Variants in CDH22 observed in about 807,000 individuals in gnomAD.
CDH22 encodes cadherin-22.
In CDH22, 30 loss-of-function variants were observed where a neutral mutation model predicts 58.4. That is an observed-to-expected ratio of 0.51 (90% CI 0.38 to 0.70). The LOEUF is 0.70. Ranked by LOEUF, CDH22 falls within the 30% of genes least tolerant of loss-of-function variation. The pLI is 0.00. For synonymous variants in CDH22, 513 were observed against 558.2 expected, an observed-to-expected ratio of 0.92 and a Z score of 1.14; for missense variants, 1,014 against 1,233.9, an observed-to-expected ratio of 0.82 and a Z score of 2.67.
At chr20:46,227,047 G>A (rs536681627) in intron 4 of CDH22, among the ~76,000 whole-genome samples, 1 of 152,320 alleles carries the variant, frequency 6.6e-6, no homozygotes, top group South Asian at 2.1e-4. Context: ...CCTTAAAGAT[G>A]CTTGTGTTTT....
chr20:46,269,158 G>T (rs1168484975), intron 1 of CDH22, among the ~76,000 whole-genome samples: 1 of 152,182 alleles, frequency 6.6e-6, no homozygotes, highest in Admixed American at 6.5e-5. Flanking sequence ...GATCTTTCAT[G>T]GTTTGCCACC....
intron 1 of CDH22, among the ~76,000 whole-genome samples, chr20:46,265,176 T>C (rs1200733993): frequency 2.0e-5 from 3 of 152,132 alleles, no homozygotes; most frequent in Non-Finnish European, 4.4e-5. Context: ...TTGAATACCA[T>C]CCTGGCCGTG....
At chr20:46,276,177 T>A (rs900277680) in intron 1 of CDH22, among the ~76,000 whole-genome samples, 5 of 152,136 alleles carry the variant, frequency 3.3e-5, no homozygotes, top group African/African-American at 9.7e-5. Context: ...CACCCACCAA[T>A]CAGAGAAGAT....
rs148935750 is a variant in CDH22, at chr20:46,196,316, C to A, written c.1423+3107G>T. On this transcript the variant is annotated intron_variant, in intron 8 of 11. Coordinates refer to ENST00000537909, the MANE Select transcript of CDH22 (RefSeq NM_021248.3). ...TTTGAGACAGAGTCTTGCCTGTTGC[C>A]CAGGCTGGAGCGCAGGGGCATGATC... is the stretch of plus-strand genomic sequence containing the variant. Among the ~76,000 whole-genome samples, 118 of 152,070 alleles carry A rather than the reference C, an allele frequency of 7.8e-4. No homozygotes were observed. In the East Asian group the frequency reaches 0.018, roughly 24 times the overall value.
Position 46,241,598 on chromosome 20 carries a change from T to G in CDH22, c.256-341A>C, listed in dbSNP as rs1399434983. Among the ~76,000 whole-genome samples, 1 of 152,064 alleles carries G rather than the reference T, an allele frequency of 6.6e-6. No homozygotes were observed. The highest frequency in any genetic ancestry group is 1.5e-5 in the Non-Finnish European group (1 of 68,008). ...AGAAGTCCAGCACCACCTCCACACCTCTCTCCCCTTTAGCACGCACAGCTC... is the reference window on the plus strand; with the variant it reads ...AGAAGTCCAGCACCACCTCCACACCGCTCTCCCCTTTAGCACGCACAGCTC... On this transcript the variant is annotated intron_variant, in intron 2 of 11. Transcript: ENST00000537909. The surrounding 1 kb of genome is among the most constrained non-coding windows in gnomAD (Gnocchi z 5.2).
At chr20:46,203,813 G>A (rs1267818169) in intron 7 of CDH22, among the ~76,000 whole-genome samples, 3 of 152,188 alleles carry the variant, frequency 2.0e-5, no homozygotes, top group Admixed American at 2.0e-4. Context: ...ACAGGAGGAA[G>A]CTGTGGGTCT....
intron 7 of CDH22, among the ~76,000 whole-genome samples, chr20:46,204,393 CAAAAAAA>C (rs3092239): frequency 2.3e-4 from 18 of 77,266 alleles, no homozygotes; most frequent in Admixed American, 5.8e-4. Context: ...GACTCTGTCT[CAAAAAAA>C]AAAAAAAAAA....
intron 1 of CDH22, among the ~76,000 whole-genome samples, chr20:46,271,724 C>T (rs2086490355): frequency 6.6e-6 from 1 of 152,182 alleles, no homozygotes; most frequent in Non-Finnish European, 1.5e-5. Context: ...TTCCCTACTA[C>T]CTCTCTAATA....
intron 6 of CDH22, among the ~76,000 whole-genome samples, chr20:46,211,333 A>C (rs1408211103): frequency 1.3e-5 from 2 of 152,170 alleles, no homozygotes. Flanking sequence ...CAGGAGACTC[A>C]CAGGCAGGTG....
intron 1 of CDH22, among the ~76,000 whole-genome samples, chr20:46,294,914 C>T (rs568801706): frequency 1.3e-5 from 2 of 152,250 alleles, no homozygotes; most frequent in Non-Finnish European, 2.9e-5. Context: ...ACCCGGCAGA[C>T]AGTAACAGGG....
intron 1 of CDH22, among the ~76,000 whole-genome samples, chr20:46,264,821 ACACACACACACCATG>A (rs2086450242): frequency 6.6e-6 from 1 of 152,022 alleles, no homozygotes; most frequent in Non-Finnish European, 1.5e-5. Context: ...GTATGCACAC[ACACACACACACCATG>A]CACACACACA....
intron 3 of CDH22, 78 bp from the exon 4 acceptor site, chr20:46,227,705 G>C: frequency 1.3e-6 from 2 of 1,521,068 alleles, no homozygotes; most frequent in South Asian, 2.5e-5. Flanking sequence ...TCACCCCAGG[G>C]AAGCTGGGAG....
At chr20:46,222,395 C>T (rs191129457) in intron 4 of CDH22, among the ~76,000 whole-genome samples, 10 of 152,158 alleles carry the variant, frequency 6.6e-5, no homozygotes, top group Non-Finnish European at 1.3e-4. Flanking sequence ...GCAGAAGCTC[C>T]GTGAGGGCAG....
At chr20:46,294,168 A>G (rs1310620128) in intron 1 of CDH22, among the ~76,000 whole-genome samples, 1 of 152,232 alleles carries the variant, frequency 6.6e-6, no homozygotes, top group Non-Finnish European at 1.5e-5. Context: ...AGTGCAACAC[A>G]TCAGCTTCAA....
chr20:46,257,032 G>C (rs1397204636), intron 1 of CDH22, among the ~76,000 whole-genome samples: 2 of 151,520 alleles, frequency 1.3e-5, no homozygotes, highest in African/African-American at 4.9e-5. Flanking sequence ...AAAAGGCCAG[G>C]CATGGTGGCT....
chr20:46,211,581 C>A (rs1831551331), intron 6 of CDH22, among the ~76,000 whole-genome samples: 1 of 152,006 alleles, frequency 6.6e-6, no homozygotes, highest in Non-Finnish European at 1.5e-5. Flanking sequence ...CTGGAGTGGG[C>A]GGCAGGAGGG....
In CDH22 at chr20:46,197,973, C is replaced by T. The variant is rs527718397; in HGVS notation, c.1423+1450G>A. 1.1e-4 allele frequency among the ~76,000 whole-genome samples: 17 copies of T among 151,984 alleles called. 1 individual carries two copies. The highest frequency in any genetic ancestry group is 2.2e-4 in the Non-Finnish European group (15 of 68,002). On this transcript the variant is annotated intron_variant, in intron 8 of 11. Coordinates refer to ENST00000537909, the MANE Select transcript of CDH22 (RefSeq NM_021248.3). ...GGCCTGGGATCCTGATGGGCAGAGG[C>T]GAGTTTGAATGTTGCCTACCCGCCT...
At chr20:46,203,028 C>G (rs1420330473) in intron 7 of CDH22, among the ~76,000 whole-genome samples, 3 of 152,120 alleles carry the variant, frequency 2.0e-5, no homozygotes, top group East Asian at 1.9e-4. Context: ...TGCTGCTGCT[C>G]CTCCTCCTCC....
At chr20:46,281,933 C>T (rs561616919) in intron 1 of CDH22, among the ~76,000 whole-genome samples, 1 of 152,352 alleles carries the variant, frequency 6.6e-6, no homozygotes, top group South Asian at 2.1e-4. Flanking sequence ...GCTACTATTA[C>T]AGATGCCTTT....
Sources: allele counts gnomAD v4.1 joint callset (sites outside exome capture counted in the v4.1 genomes callset), GRCh38; gene constraint gnomAD v4.1.1; non-coding constraint Gnocchi (gnomAD v3.1); transcripts MANE v1.5; gene names NCBI Gene and HGNC (gene_info 2026-07-23, HGNC 2026-07-21).